Variants in ARSG observed in about 807,000 individuals in gnomAD.
ARSG encodes the protein arylsulfatase G.
In ARSG, 37 loss-of-function variants were observed where a neutral mutation model predicts 50.5. The observed-to-expected ratio is 0.73, with a 90% CI of 0.56 to 0.96. The LOEUF is 0.96. ARSG is among the 50% of genes least tolerant of loss of function. ARSG has a pLI of 0.00. For missense variants in ARSG, 629 were observed against 675.3 expected, an observed-to-expected ratio of 0.93 and a Z score of 0.76; for synonymous variants, 225 against 254.6, an observed-to-expected ratio of 0.88 and a Z score of 1.11.
In ARSG at chr17:68,301,434, A is replaced by G. The variant is rs2076412025; in HGVS notation, c.-551-5509A>G. 2.6e-5 allele frequency among the ~76,000 whole-genome samples: 4 copies of G among 152,194 alleles called. No individual in the cohort carries two copies. In the South Asian group the frequency reaches 8.3e-4, roughly 31 times the overall value. On this transcript the variant is annotated intron_variant, in intron 1 of 11. Transcript: ENST00000621439. ...TGAGGCAACATGTAAGGAAGTGCTC[A>G]CTGCCCAGGTGGTGCGAGTACAGGG...
chr17:68,441,463 C>T, the ARSG span, among the ~76,000 whole-genome samples: 1 of 152,190 alleles, frequency 6.6e-6, no homozygotes, highest in African/African-American at 2.4e-5. Context: ...ATAAAATCAA[C>T]AGTCACAGTT....
chr17:68,300,213 T>C (rs963293351), intron 1 of ARSG, among the ~76,000 whole-genome samples: 3 of 152,282 alleles, frequency 2.0e-5, no homozygotes, highest in Non-Finnish European at 4.4e-5. Flanking sequence ...CCCAAAGCGC[T>C]GGGATTACAC....
chr17:68,318,370 C>A (rs1457980130), intron 2 of ARSG, among the ~76,000 whole-genome samples: 2 of 152,216 alleles, frequency 1.3e-5, no homozygotes, highest in African/African-American at 4.8e-5. Context: ...CTGTGATAAA[C>A]AAGTGACATT....
chr17:68,430,343 T>C, the ARSG span, among the ~76,000 whole-genome samples: 1 of 152,170 alleles, frequency 6.6e-6, no homozygotes. Context: ...CTAAAGAGCA[T>C]CAAGGGCTTG....
the ARSG span, chr17:68,433,472 T>C: frequency 6.2e-7 from 1 of 1,613,978 alleles, no homozygotes; most frequent in Non-Finnish European, 8.5e-7. Context: ...ACTTGCCTGT[T>C]GGTGACCTGT....
At chr17:68,354,115 A>G (rs1307865302) in intron 5 of ARSG, among the ~76,000 whole-genome samples, 2 of 144,402 alleles carry the variant, frequency 1.4e-5, no homozygotes, top group Non-Finnish European at 3.0e-5. Context: ...TCTCTTTTTA[A>G]TCTATGTTAA....
chr17:68,275,203 C>T (rs781791005), intron 1 of ARSG, among the ~76,000 whole-genome samples: 2 of 152,102 alleles, frequency 1.3e-5, no homozygotes, highest in Non-Finnish European at 2.9e-5. Flanking sequence ...AAGCTGTATC[C>T]CCTAGGACAT....
At chr17:68,281,297 G>C (rs1214565098) in intron 1 of ARSG, among the ~76,000 whole-genome samples, 1 of 141,696 alleles carries the variant, frequency 7.1e-6, no homozygotes, top group South Asian at 2.1e-4. Flanking sequence ...GGCTGGTGGC[G>C]GTGGCTCACG....
chr17:68,430,142 C>A, the ARSG span: 1 of 1,613,484 alleles, frequency 6.2e-7, no homozygotes, highest in Non-Finnish European at 8.5e-7. Flanking sequence ...CACTCCAGGT[C>A]GAAGGCTCTT....
At chr17:68,418,077 A>G (rs1600196158) in intron 11 of ARSG, among the ~76,000 whole-genome samples, 1 of 152,178 alleles carries the variant, frequency 6.6e-6, no homozygotes, top group African/African-American at 2.4e-5. Flanking sequence ...GTTAGAATGA[A>G]GTGATGACTG....
In ARSG at chr17:68,368,751, T is replaced by C. The variant is rs2079675187; in HGVS notation, c.901+7T>C. On this transcript the variant is annotated splice_region_variant and intron_variant, in intron 7 of 11. Coordinates refer to ENST00000621439, the MANE Select transcript of ARSG (RefSeq NM_001267727.2). ...ACATTCCTCTGGTTTACAGGTAAAGTAGTAAAAGCCAGCCAGCCTAACTGC... is the reference window on the plus strand; with the variant it reads ...ACATTCCTCTGGTTTACAGGTAAAGCAGTAAAAGCCAGCCAGCCTAACTGC... 4 of 1,610,846 alleles carry C rather than the reference T, an allele frequency of 2.5e-6. No homozygotes were observed.
intron 5 of ARSG, among the ~76,000 whole-genome samples, chr17:68,352,516 T>C (rs1348984028): frequency 3.3e-5 from 5 of 150,334 alleles, no homozygotes; most frequent in African/African-American, 1.2e-4. Flanking sequence ...TTCTTTCTTT[T>C]TTTTTTTTTT....
At chr17:68,317,871 G>A (rs1401412857) in intron 2 of ARSG, among the ~76,000 whole-genome samples, 2 of 152,226 alleles carry the variant, frequency 1.3e-5, no homozygotes, top group Non-Finnish European at 2.9e-5. Flanking sequence ...GGCCAAGGCC[G>A]GTGGATCACC....
At chr17:68,363,703 G>A (rs1053142327) in intron 6 of ARSG, among the ~76,000 whole-genome samples, 3 of 152,076 alleles carry the variant, frequency 2.0e-5, no homozygotes, top group African/African-American at 7.2e-5. Context: ...CTGACCTTAG[G>A]TGATCCAACT....
chr17:68,276,678 T>G (rs1253842073), intron 1 of ARSG, among the ~76,000 whole-genome samples: 1 of 152,170 alleles, frequency 6.6e-6, no homozygotes, highest in African/African-American at 2.4e-5. Flanking sequence ...AGTCTCAAAC[T>G]CTAGGGCTCA....
the ARSG span, among the ~76,000 whole-genome samples, chr17:68,445,049 T>C: frequency 1.3e-5 from 2 of 151,596 alleles, no homozygotes; most frequent in Non-Finnish European, 2.9e-5. Flanking sequence ...GCCTCCTGAG[T>C]AGCTGGGATT....
At chr17:68,292,034 T>C (rs1165550280) in intron 1 of ARSG, among the ~76,000 whole-genome samples, 1 of 151,778 alleles carries the variant, frequency 6.6e-6, no homozygotes, top group Non-Finnish European at 1.5e-5. Context: ...TTTCGTCAAC[T>C]CGCGCACCCC....
chr17:68,424,536 C>T (rs750041849), downstream of ARSG: 1 of 532,378 alleles, frequency 1.9e-6, no homozygotes, highest in Non-Finnish European at 3.9e-6. Flanking sequence ...GCCCAAGTGG[C>T]AGCTCCTCTC....
At chr17:68,312,404 AGGGCGT>A (rs1201654255) in intron 2 of ARSG, among the ~76,000 whole-genome samples, 54 of 152,282 alleles carry the variant, frequency 3.5e-4, no homozygotes, top group African/African-American at 1.1e-3. Flanking sequence ...GATTCTCCAA[AGGGCGT>A]GGGTTGCCAA....
Sources: gnomAD v4.1 joint callset for allele counts (sites outside exome capture counted in the v4.1 genomes callset) on GRCh38, gnomAD v4.1.1 for gene constraint, MANE v1.5 for transcripts, NCBI Gene and HGNC (gene_info 2026-07-23, HGNC 2026-07-21) for gene names.